ATP10A: variants seen among roughly 807,000 people sequenced by gnomAD.
ATP10A encodes ATPase phospholipid transporting 10A (putative).
ATP10A carries 111 observed loss-of-function variants against 147.8 expected under a neutral mutation model. The ratio of observed to expected loss-of-function variants is 0.75; its 90% CI spans 0.64 to 0.88. The LOEUF (loss-of-function observed/expected upper bound fraction) is 0.88, where lower values mean the gene tolerates loss of function less well. Ranked by LOEUF, ATP10A falls within the 40% of genes least tolerant of loss-of-function variation. The pLI is 0.00. For synonymous variants in ATP10A, 875 were observed against 841.6 expected (o/e 1.04, Z -0.69); for missense variants, 1,927 against 1,959.0 (o/e 0.98, Z 0.31).
intron 1 of ATP10A, among the ~76,000 whole-genome samples, chr15:25,793,025 C>T (rs1373832119): frequency 6.6e-6 from 1 of 152,054 alleles, no homozygotes; most frequent in Non-Finnish European, 1.5e-5. Flanking sequence ...CATGCGCCAC[C>T]ATGCCCAGCT....
At chr15:25,704,301 G>A (rs997312806) in intron 12 of ATP10A, among the ~76,000 whole-genome samples, 2 of 152,152 alleles carry the variant, frequency 1.3e-5, no homozygotes, top group African/African-American at 4.8e-5. Flanking sequence ...ATGGATTACT[G>A]ACAATTTGCC....
Position 25,679,260 on chromosome 15 carries a change from T to C in ATP10A, c.*81A>G. 1.9e-6 allele frequency: 2 copies of C among 1,073,036 alleles called. No homozygotes were observed. The highest frequency in any genetic ancestry group is 2.4e-6 in the Non-Finnish European group (2 of 839,762). The allele number at this position is 1,073,036 out of a possible 1,614,324, so 66.5% of individuals were successfully genotyped here. A position where few individuals can be genotyped will look rare whatever the true frequency, so the allele number is the denominator to read the frequency against. On this transcript the variant is annotated 3_prime_UTR_variant, in exon 21 of 21. Coordinates refer to ENST00000555815, the MANE Select transcript of ATP10A (RefSeq NM_024490.4). ...GGAAACATTTAGAAATACATCTCCC[T>C]AGAACTCTTCTGTGCAAATAATAAA...
intron 3 of ATP10A, among the ~76,000 whole-genome samples, chr15:25,732,777 G>A (rs1014741256): frequency 5.3e-5 from 8 of 151,660 alleles, no homozygotes; most frequent in Non-Finnish European, 8.8e-5. Flanking sequence ...GGATGGTCTT[G>A]ATCTCCTGAC....
chr15:25,736,065 C>A lies in ATP10A; in HGVS notation c.731G>T (p.Arg244Leu). 2 of 1,613,682 alleles carry A rather than the reference C, an allele frequency of 1.2e-6. No individual in the cohort carries two copies. The highest frequency in any genetic ancestry group is 1.7e-6 in the Non-Finnish European group (2 of 1,179,822). Residue 244 changes from arginine (R) to leucine (L), a missense_variant, in exon 3 of 21, where the codon CGC (arginine) becomes CTC (leucine). By Grantham distance (102) the Arg-to-Leu change is moderately radical (BLOSUM62 -2). Transcript: ENST00000555815. ...EKPNNDLSRF[R>L]GCIIHDNGKK... is the part of the protein sequence containing the mutation. ...GACACACGATACTCACATGCAGCCG[C>A]GAAACCTACTCAGGTCGTTGTTTGG...
chr15:25,834,760 T>C (rs1326605424), intron 1 of ATP10A, among the ~76,000 whole-genome samples: 5 of 152,180 alleles, frequency 3.3e-5, no homozygotes, highest in African/African-American at 4.8e-5. Context: ...GGTACATCCA[T>C]ACAATGGGAT....
chr15:25,774,898 A>G (rs1257040382), intron 2 of ATP10A, among the ~76,000 whole-genome samples: 2 of 152,232 alleles, frequency 1.3e-5, no homozygotes, highest in African/African-American at 2.4e-5. Flanking sequence ...TTACAGATTT[A>G]ATGTCCTTCA....
intron 1 of ATP10A, 60 bp from the exon 2 acceptor site, chr15:25,781,283 T>C: frequency 6.9e-7 from 1 of 1,453,316 alleles, no homozygotes; most frequent in Non-Finnish European, 9.5e-7. Flanking sequence ...TGGATCTGGG[T>C]GATGGGCACG....
intron 1 of ATP10A, among the ~76,000 whole-genome samples, chr15:25,799,262 A>ATCCC (rs1422582885): frequency 6.6e-6 from 1 of 152,054 alleles, no homozygotes; most frequent in African/African-American, 2.4e-5. Flanking sequence ...CCCCTCTCAC[A>ATCCC]TCCCTGCCTT....
chr15:25,722,021 T>C, intron 6 of ATP10A, 112 bp from the exon 7 acceptor site: 3 of 1,189,112 alleles, frequency 2.5e-6, no homozygotes, highest in Admixed American at 2.2e-5. Context: ...GTAGGGACTA[T>C]ACTGTACCTT....
In ATP10A at chr15:25,681,083, C is replaced by A. The variant is rs745420832; in HGVS notation, c.3493-9G>T. ...GTTCGTGGCCGGTATTCCTGGGACA[C>A]AAAAACAATCAGTGATGTTACAGTG... On this transcript the variant is annotated splice_polypyrimidine_tract_variant and intron_variant, in intron 17 of 20. Coordinates refer to ENST00000555815, the MANE Select transcript of ATP10A (RefSeq NM_024490.4). The A allele has an allele frequency of 5.0e-6, 8 of 1,610,188 alleles. No homozygotes were observed. The highest frequency in any genetic ancestry group is 1.3e-5 in the African/African-American group (1 of 74,816).
At chr15:25,775,443 C>T (rs1188781467) in intron 2 of ATP10A, among the ~76,000 whole-genome samples, 3 of 152,340 alleles carry the variant, frequency 2.0e-5, no homozygotes, top group South Asian at 4.1e-4. Context: ...ATTCACAAAA[C>T]AGAGGGGAAA....
chr15:25,826,690 G>C (rs1430936201), intron 1 of ATP10A, among the ~76,000 whole-genome samples: 1 of 152,188 alleles, frequency 6.6e-6, no homozygotes, highest in Non-Finnish European at 1.5e-5. Flanking sequence ...AGCTACATGG[G>C]AGGCTGAAGC....
chr15:25,771,651 C>T (rs1208049136), intron 2 of ATP10A, among the ~76,000 whole-genome samples: 16 of 152,222 alleles, frequency 1.1e-4, no homozygotes. Context: ...ACTGAAGTCT[C>T]ACAGGAAAGT....
In ATP10A at chr15:25,711,043, G is replaced by T. The variant is rs531257704; in HGVS notation, c.2344+2631C>A. 1.7e-3 allele frequency among the ~76,000 whole-genome samples: 256 copies of T among 152,142 alleles called. 3 individuals carry two copies. The highest frequency in any genetic ancestry group is 3.4e-3 in the Middle Eastern group (1 of 292). On this transcript the variant is annotated intron_variant, in intron 10 of 20. Transcript: ENST00000555815. The stretch of plus-strand genomic sequence containing the variant: ...AGGCACAGAGTGAGTGACTCGTCCA[G>T]GGTCATCCCAGCCGTAAGTGTAGAC...
intron 2 of ATP10A, among the ~76,000 whole-genome samples, chr15:25,762,595 T>C (rs10459720): frequency 0.45 from 68,213 of 151,678 alleles, 15,623 homozygotes; most frequent in East Asian, 0.57. Context: ...TTATTTATTA[T>C]TTTAGAGACA....
intron 2 of ATP10A, among the ~76,000 whole-genome samples, chr15:25,768,661 AC>A (rs1889160811): frequency 7.7e-6 from 1 of 129,186 alleles, no homozygotes; most frequent in East Asian, 2.2e-4. Flanking sequence ...CTCCCACCTC[AC>A]CTGCCCAAGT....
At chr15:25,771,370 G>A (rs1469691552) in intron 2 of ATP10A, among the ~76,000 whole-genome samples, 1 of 152,114 alleles carries the variant, frequency 6.6e-6, no homozygotes, top group Non-Finnish European at 1.5e-5. Context: ...AGGAGTTCAA[G>A]AGAAACCTGA....
chr15:25,805,006 AT>A (rs1350025411), intron 1 of ATP10A, among the ~76,000 whole-genome samples: 1 of 152,182 alleles, frequency 6.6e-6, no homozygotes, highest in African/African-American at 2.4e-5. Context: ...AAAAGGAAAA[AT>A]TCTTTTGAAA....
chr15:25,754,149 T>A (rs1409284575), intron 2 of ATP10A, among the ~76,000 whole-genome samples: 1 of 152,074 alleles, frequency 6.6e-6, no homozygotes, highest in African/African-American at 2.4e-5. Flanking sequence ...TTTGTTTGTT[T>A]TTTGAGATGG....
Sources: allele counts gnomAD v4.1 joint callset (sites outside exome capture counted in the v4.1 genomes callset), GRCh38; gene constraint gnomAD v4.1.1; transcripts MANE v1.5; gene names NCBI Gene and HGNC (gene_info 2026-07-23, HGNC 2026-07-21).